ALK: variants seen among roughly 807,000 people sequenced by gnomAD.
ALK encodes the protein ALK receptor tyrosine kinase, also known as ALK tyrosine kinase receptor.
A neutral mutation model predicts 163.1 loss-of-function variants in ALK; 74 were observed. The ratio of observed to expected loss-of-function variants is 0.45; its 90% CI spans 0.38 to 0.55. The LOEUF is 0.55. Ranked by LOEUF, ALK falls within the 20% of genes least tolerant of loss-of-function variation. The pLI, the probability that ALK is intolerant of heterozygous loss-of-function variation, is 0.00. For missense variants in ALK, 2,063 were observed against 2,105.3 expected, an observed-to-expected ratio of 0.98 and a Z score of 0.39; for synonymous variants, 960 against 843.2, an observed-to-expected ratio of 1.14 and a Z score of -2.40.
At chr2:29,382,202 C>G (rs191472885) in intron 5 of ALK, among the ~76,000 whole-genome samples, 2 of 152,048 alleles carry the variant, frequency 1.3e-5, no homozygotes, top group African/African-American at 4.8e-5. Flanking sequence ...GCCCTGCCAG[C>G]GGAGACTTTC....
intron 3 of ALK, among the ~76,000 whole-genome samples, chr2:29,564,900 G>A (rs1019362875): frequency 1.3e-5 from 2 of 152,196 alleles, no homozygotes; most frequent in Non-Finnish European, 2.9e-5. Flanking sequence ...CTTTATTACA[G>A]AGAGACTGGG....
chr2:29,675,524 G>A (rs1181771635), intron 3 of ALK, among the ~76,000 whole-genome samples: 1 of 151,972 alleles, frequency 6.6e-6, no homozygotes, highest in Non-Finnish European at 1.5e-5. Context: ...ACCAGGGGGA[G>A]GTCCGAACCC....
Position 29,672,282 on chromosome 2 carries a change from C to T in ALK, c.952+22568G>A, listed in dbSNP as rs1036510953. ...CGCTGGTGCACTGCACCCACTAACT[C>T]GTCATCTAGCATTAGGTATATCTCC... On this transcript the variant is annotated intron_variant, in intron 3 of 28. Transcript: ENST00000389048. Among the ~76,000 whole-genome samples the T allele has an allele frequency of 5.9e-5, 9 of 151,786 alleles. No individual in the cohort carries two copies. In the South Asian group the frequency reaches 8.4e-4, roughly 14 times the overall value.
At chr2:29,654,360 A>C (rs1290769040) in intron 3 of ALK, among the ~76,000 whole-genome samples, 4 of 151,732 alleles carry the variant, frequency 2.6e-5, no homozygotes, top group African/African-American at 4.9e-5. Flanking sequence ...CATGCTCCAG[A>C]TGACCTCCTT....
intron 1 of ALK, among the ~76,000 whole-genome samples, chr2:29,759,641 A>G (rs1205611559): frequency 6.6e-6 from 1 of 152,192 alleles, no homozygotes; most frequent in Admixed American, 6.5e-5. Flanking sequence ...CAAAATCATC[A>G]CAAGAGAGAT....
chr2:29,318,204 C>A, intron 8 of ALK, 100 bp downstream of exon 8: 2 of 977,034 alleles, frequency 2.0e-6, no homozygotes, highest in Non-Finnish European at 3.3e-6. Flanking sequence ...CCCAGGAGAA[C>A]GACCAGCCCA....
chr2:29,880,613 C>T (rs1018619623), intron 1 of ALK, among the ~76,000 whole-genome samples: 1 of 152,204 alleles, frequency 6.6e-6, no homozygotes, highest in East Asian at 1.9e-4. Flanking sequence ...AAAGAATAGC[C>T]CAAGTGGGAT....
intron 1 of ALK, among the ~76,000 whole-genome samples, chr2:29,795,080 G>T (rs770750542): frequency 1.3e-5 from 2 of 152,036 alleles, no homozygotes; most frequent in African/African-American, 2.4e-5. Context: ...TACAACAAAC[G>T]TAGTAGATGG....
At chr2:29,249,862 G>GTGGGCA (rs1202384299) in intron 12 of ALK, among the ~76,000 whole-genome samples, 1 of 152,224 alleles carries the variant, frequency 6.6e-6, no homozygotes, top group Non-Finnish European at 1.5e-5. Context: ...CTGGGGGTGT[G>GTGGGCA]TGGGCACTGT....
intron 1 of ALK, among the ~76,000 whole-genome samples, chr2:29,741,270 G>A (rs1476707363): frequency 1.3e-5 from 2 of 152,096 alleles, no homozygotes; most frequent in African/African-American, 2.4e-5. Context: ...ATACTATAAC[G>A]GTGAGTGCCC....
chr2:29,309,521 C>T lies in ALK; in HGVS notation c.1647+8783G>A, dbSNP rs116881221. 1.2e-3 allele frequency among the ~76,000 whole-genome samples: 177 copies of T among 152,316 alleles called. 3 individuals carry two copies. The East Asian group carries it at 0.028, about 24-fold the overall frequency. ...CAGTTACAATTGCTGTTGATTACTG[C>T]AGGCATTAGCAAGTGCTCTGGCAGA... On this transcript the variant is annotated intron_variant, in intron 8 of 28. Transcript: ENST00000389048.
At chr2:29,590,281 T>C (rs551627509) in intron 3 of ALK, among the ~76,000 whole-genome samples, 2 of 152,354 alleles carry the variant, frequency 1.3e-5, no homozygotes, top group South Asian at 2.1e-4. Context: ...GGGTCACTAA[T>C]TTGTATTGCA....
chr2:29,793,903 A>G (rs906082417), intron 1 of ALK, among the ~76,000 whole-genome samples: 2 of 152,170 alleles, frequency 1.3e-5, no homozygotes, highest in Admixed American at 6.5e-5. Context: ...GATTGTCAGA[A>G]TGGTAAATAA....
At chr2:29,914,513 T>C (rs2148439555) in intron 1 of ALK, among the ~76,000 whole-genome samples, 1 of 152,350 alleles carries the variant, frequency 6.6e-6, no homozygotes, top group East Asian at 1.9e-4. Flanking sequence ...AAAAAAACAA[T>C]AGTGGTTCAT....
Position 29,717,697 on chromosome 2 carries a change from C to A in ALK, c.668G>T (p.Gly223Val). ...PRLLFQIFGTGHSSLESPTNM... is the reference protein window; with the variant it reads ...PRLLFQIFGTVHSSLESPTNM... The stretch of plus-strand genomic sequence containing the variant: ...TGTTGGTGATTCCAAGGAGCTATGA[C>A]CTGGACATAAAAATAAAGAAAACAC... Residue 223 changes from glycine (G) to valine (V), a missense_variant and splice_region_variant, in exon 2 of 29, where the codon GGT becomes GTT. By Grantham distance (109) the Gly-to-Val change is moderately radical. Transcript: ENST00000389048. 6.2e-7 allele frequency: 1 copy of A among 1,614,056 alleles called. No individual in the cohort carries two copies. Among genetic ancestry groups the A allele is most frequent in the East Asian group, 2.2e-5 (1 of 44,864 alleles).
chr2:29,818,820 T>C (rs941058846), intron 1 of ALK, among the ~76,000 whole-genome samples: 3 of 152,232 alleles, frequency 2.0e-5, no homozygotes, highest in African/African-American at 7.2e-5. Context: ...AGGGTCTTGG[T>C]TCTGCACTCT....
intron 4 of ALK, among the ~76,000 whole-genome samples, chr2:29,527,478 C>A (rs1193602397): frequency 6.6e-6 from 1 of 152,012 alleles, no homozygotes; most frequent in Non-Finnish European, 1.5e-5. Context: ...GGAGATGAGT[C>A]CTGGCTTTGC....
At chr2:29,477,745 T>C (rs1378492431) in intron 4 of ALK, among the ~76,000 whole-genome samples, 1 of 152,136 alleles carries the variant, frequency 6.6e-6, no homozygotes, top group Non-Finnish European at 1.5e-5. Flanking sequence ...AGGCTCTGTG[T>C]GGGCAGGGGC....
chr2:29,879,666 C>T (rs141545902), intron 1 of ALK, among the ~76,000 whole-genome samples: 16 of 152,148 alleles, frequency 1.1e-4, no homozygotes, highest in African/African-American at 3.9e-4. Context: ...CTTATTCTAT[C>T]CTTTTCTCCC....
Sources: gnomAD v4.1 joint callset for allele counts (sites outside exome capture counted in the v4.1 genomes callset) on GRCh38, gnomAD v4.1.1 for gene constraint, MANE v1.5 for transcripts, NCBI Gene and HGNC (gene_info 2026-07-23, HGNC 2026-07-21) for gene names.